The following SLC24A2 variants were observed in gnomAD, a reference collection of about 807,000 sequenced individuals.
SLC24A2 encodes sodium/potassium/calcium exchanger 2.
SLC24A2 carries 36 observed loss-of-function variants against 62.0 expected under a neutral mutation model. That is an observed-to-expected ratio of 0.58 (90% CI 0.44 to 0.77). The LOEUF (loss-of-function observed/expected upper bound fraction) is 0.77, where lower values mean the gene tolerates loss of function less well. Among genes scored for constraint, SLC24A2 ranks in the 30% least tolerant of loss-of-function variants. The pLI is 0.00. For synonymous variants in SLC24A2, 358 were observed against 294.0 expected (o/e 1.22, Z -2.23); for missense variants, 846 against 817.9 (o/e 1.03, Z -0.42).
chr9:20,023,487 C>T, the SLC24A2 span, among the ~76,000 whole-genome samples: 9 of 152,164 alleles, frequency 5.9e-5, no homozygotes, highest in Non-Finnish European at 1.3e-4. Flanking sequence ...GTAGCTGTCA[C>T]TCATTGGTGA....
At chr9:20,079,972 A>G in the SLC24A2 span, among the ~76,000 whole-genome samples, 6 of 152,224 alleles carry the variant, frequency 3.9e-5, no homozygotes, top group African/African-American at 9.6e-5. Context: ...CAATGAAATA[A>G]AAGAGGATAT....
At chr9:20,166,968 G>A in the SLC24A2 span, among the ~76,000 whole-genome samples, 1 of 151,954 alleles carries the variant, frequency 6.6e-6, no homozygotes, top group African/African-American at 2.4e-5. Context: ...AGCCTCCTGA[G>A]TAGCTGGGAC....
the SLC24A2 span, among the ~76,000 whole-genome samples, chr9:19,913,569 C>A: frequency 1.3e-5 from 2 of 152,094 alleles, no homozygotes; most frequent in African/African-American, 4.8e-5. Context: ...AAGCAAAGGA[C>A]ATCGTGATTT....
chr9:20,002,549 T>G, the SLC24A2 span, among the ~76,000 whole-genome samples: 9 of 152,086 alleles, frequency 5.9e-5, no homozygotes, highest in Admixed American at 5.2e-4. Context: ...ATGAGTAAAC[T>G]GAAGATAACA....
the SLC24A2 span, among the ~76,000 whole-genome samples, chr9:20,021,618 A>C: frequency 2.0e-5 from 3 of 152,034 alleles, no homozygotes; most frequent in Non-Finnish European, 4.4e-5. Context: ...GTTTTCAAGC[A>C]CACAGGTTCA....
the SLC24A2 span, among the ~76,000 whole-genome samples, chr9:19,999,712 G>A: frequency 6.6e-6 from 1 of 152,180 alleles, no homozygotes; most frequent in African/African-American, 2.4e-5. Context: ...AGCAGTCAGT[G>A]AGTGAGCAGT....
At chr9:20,290,395 T>C in the SLC24A2 span, among the ~76,000 whole-genome samples, 2 of 152,260 alleles carry the variant, frequency 1.3e-5, no homozygotes, top group African/African-American at 2.4e-5. Context: ...GTTTCAAATG[T>C]ATCTCATCTT....
intron 2 of SLC24A2, among the ~76,000 whole-genome samples, chr9:19,698,375 T>C (rs1820254448): frequency 6.6e-6 from 1 of 152,196 alleles, no homozygotes; most frequent in South Asian, 2.1e-4. Flanking sequence ...CCAAGACCTA[T>C]CATTATATAT....
chr9:20,295,546 A>G, the SLC24A2 span, among the ~76,000 whole-genome samples: 1 of 152,192 alleles, frequency 6.6e-6, no homozygotes, highest in African/African-American at 2.4e-5. Context: ...TGAACTAGGC[A>G]GGAAGATGTG....
chr9:19,622,682 ATATT>A (rs1400157011), intron 2 of SLC24A2, among the ~76,000 whole-genome samples: 1 of 152,198 alleles, frequency 6.6e-6, no homozygotes, highest in Non-Finnish European at 1.5e-5. Flanking sequence ...ACATTTATAA[ATATT>A]TATTGTTTCA....
At chr9:20,261,926 G>T in the SLC24A2 span, among the ~76,000 whole-genome samples, 1 of 151,792 alleles carries the variant, frequency 6.6e-6, no homozygotes, top group Non-Finnish European at 1.5e-5. Flanking sequence ...TTTTAGTAGA[G>T]ACAGCATTTC....
the SLC24A2 span, among the ~76,000 whole-genome samples, chr9:19,994,856 C>T: frequency 6.6e-6 from 1 of 152,220 alleles, no homozygotes; most frequent in East Asian, 1.9e-4. Flanking sequence ...ACATACTTCA[C>T]TGAGAGGTCT....
the SLC24A2 span, among the ~76,000 whole-genome samples, chr9:19,968,536 TACTA>T: frequency 2.0e-5 from 3 of 152,222 alleles, no homozygotes; most frequent in Non-Finnish European, 4.4e-5. Context: ...TTGTATTTCA[TACTA>T]ACTTTGTTTT....
At chr9:20,259,087 G>C in the SLC24A2 span, among the ~76,000 whole-genome samples, 10 of 152,238 alleles carry the variant, frequency 6.6e-5, no homozygotes, top group East Asian at 1.7e-3. Flanking sequence ...AACATTGCTG[G>C]CTTCCAAGAT....
At chr9:19,551,084 CTG>C (rs1834820062) in intron 7 of SLC24A2, among the ~76,000 whole-genome samples, 1 of 152,162 alleles carries the variant, frequency 6.6e-6, no homozygotes, top group Non-Finnish European at 1.5e-5. Flanking sequence ...TTCTATCTAA[CTG>C]TAAGTTTGTA....
At chr9:20,139,951 G>T in the SLC24A2 span, among the ~76,000 whole-genome samples, 1 of 152,228 alleles carries the variant, frequency 6.6e-6, no homozygotes, top group East Asian at 1.9e-4. Flanking sequence ...GAAACAGCCC[G>T]TGCTGCTGAA....
the SLC24A2 span, among the ~76,000 whole-genome samples, chr9:20,221,455 T>G: frequency 2.0e-5 from 3 of 152,082 alleles, no homozygotes; most frequent in Non-Finnish European, 2.9e-5. Context: ...CAAACAAGAC[T>G]TGTTTTGAAT....
the SLC24A2 span, among the ~76,000 whole-genome samples, chr9:19,900,300 G>A: frequency 7.2e-5 from 11 of 152,318 alleles, no homozygotes; most frequent in East Asian, 1.7e-3. Context: ...CCTTTGGGAT[G>A]TGAATTTTTC....
intron 2 of SLC24A2, among the ~76,000 whole-genome samples, chr9:19,674,691 T>G: frequency 6.6e-6 from 1 of 152,234 alleles, no homozygotes; most frequent in Admixed American, 6.5e-5. Context: ...TCTCTAAGTG[T>G]GTCCTTCCTT....
Sources: gnomAD v4.1 joint callset for allele counts (sites outside exome capture counted in the v4.1 genomes callset) on GRCh38, gnomAD v4.1.1 for gene constraint, MANE v1.5 for transcripts, NCBI Gene and HGNC (gene_info 2026-07-23, HGNC 2026-07-21) for gene names.